Variants in ITPKA observed in about 807,000 individuals in gnomAD.
ITPKA encodes the protein inositol-trisphosphate 3-kinase A, also known as IP3 3-kinase A.
Under a neutral mutation model 40.7 loss-of-function variants are expected in ITPKA, and 16 were observed. The observed-to-expected ratio is 0.39, with a 90% CI of 0.27 to 0.60. The LOEUF (loss-of-function observed/expected upper bound fraction) is 0.60. Among genes scored for constraint, ITPKA ranks in the 20% least tolerant of loss-of-function variants. The pLI, the probability that ITPKA is intolerant of heterozygous loss-of-function variation, is 0.50. For missense variants in ITPKA, 540 were observed against 649.3 expected, an observed-to-expected ratio of 0.83 and a Z score of 1.83; for synonymous variants, 313 against 289.9, an observed-to-expected ratio of 1.08 and a Z score of -0.81.
Position 41,503,546 on chromosome 15 carries a change from A to G in ITPKA, c.*380A>G, listed in dbSNP as rs539964285. Reference sequence around the variant, plus strand: ...CTCCCCTTCCTAATAAAACTCAAAGACAAGATGCAGCTTCCTGTGCCTCAG... The same window carrying G: ...CTCCCCTTCCTAATAAAACTCAAAGGCAAGATGCAGCTTCCTGTGCCTCAG... On this transcript the variant is annotated 3_prime_UTR_variant, in exon 7 of 7. Transcript: ENST00000260386. 362 of 573,156 alleles carry G rather than the reference A, an allele frequency of 6.3e-4. 2 individuals carry two copies. In the Admixed American group the frequency reaches 6.8e-3, roughly 11 times the overall value. 35.5% of individuals were successfully genotyped at this position (573,156 alleles called of 1,614,324 possible).
chr15:41,496,640 T>G (rs192272379), intron 1 of ITPKA, among the ~76,000 whole-genome samples: 4 of 152,306 alleles, frequency 2.6e-5, no homozygotes, highest in Non-Finnish European at 5.9e-5. Context: ...TCATCTGGTT[T>G]TCTTCTTTCT....
chr15:41,502,237 C>G, intron 4 of ITPKA, 36 bp downstream of exon 4: 1 of 1,539,624 alleles, frequency 6.5e-7, no homozygotes, highest in Admixed American at 1.9e-5. Context: ...CCGCCGCAGC[C>G]CCACTGCGCG....
chr15:41,499,855 G>A (rs904450493), intron 1 of ITPKA, among the ~76,000 whole-genome samples: 1 of 151,784 alleles, frequency 6.6e-6, no homozygotes, highest in Middle Eastern at 3.2e-3. Context: ...AAGAGATAAG[G>A]GGCACACCAA....
intron 6 of ITPKA, 22 bp downstream of exon 6, chr15:41,502,881 G>GCA: frequency 6.2e-7 from 1 of 1,609,822 alleles, no homozygotes. Flanking sequence ...CTGCCCGGGT[G>GCA]CCCGGGCCGC....
In ITPKA at chr15:41,501,682, T is replaced by G. The variant is rs765913011; in HGVS notation, c.634T>G (p.Ser212Ala). ...GTSGLILKRC[S>A]EPERYCLARL... ...CAGCGGGCTGATCCTGAAGCGCTGC[T>G]CGGAGCCGGAGCGCTACTGCCTGGC... The change falls in exon 3 of 7, where the codon TCG becomes GCG. Residue 212 changes from serine to alanine, a missense_variant. Coordinates refer to ENST00000260386, the MANE Select transcript of ITPKA (RefSeq NM_002220.3). 1 of 1,609,718 alleles carries G rather than the reference T, an allele frequency of 6.2e-7. No individual in the cohort carries two copies. The highest frequency in any genetic ancestry group is 1.3e-5 in the African/African-American group (1 of 74,810).
Position 41,501,552 on chromosome 15 carries a change from G to A in ITPKA, c.579G>A (p.Gly193=), listed in dbSNP as rs767799074. The A allele has an allele frequency of 6.3e-5, 97 of 1,533,830 alleles. No individual in the cohort carries two copies. In the South Asian group the frequency reaches 1.1e-3, roughly 17 times the overall value. The change falls in exon 2 of 7, where the codon GGG becomes GGA. Residue 193 remains glycine (G), a synonymous_variant. Transcript: ENST00000260386. The part of the protein sequence containing the change: ...KKRYAWVQLA[G]HTGSFKAAGT... ...GCTACGCCTGGGTGCAGCTGGCAGG[G>A]CACACTGGTGAGCAGTGGGGCGGGT...
At chr15:41,498,562 G>A (rs2051089498) in intron 1 of ITPKA, among the ~76,000 whole-genome samples, 1 of 152,156 alleles carries the variant, frequency 6.6e-6, no homozygotes. Context: ...TAAAAGGATG[G>A]TTCAGTTCCC....
At chr15:41,502,302 C>T (rs569312019) in intron 4 of ITPKA, 100 bp from the exon 5 acceptor site, 5 of 1,390,386 alleles carry the variant, frequency 3.6e-6, no homozygotes, top group East Asian at 4.6e-5. Context: ...CCTCTCCCAC[C>T]GCCTCGCCGT....
rs1264995002 is a variant in ITPKA at position 41,493,958 on chromosome 15, G to C, written c.31G>C (p.Ala11Pro). ...CCTGCCCGGGGGCCCAACGGGCATG[G>C]CGCGGCCGGGGGGCGCGAGGCCCTG... MTLPGGPTGM[A>P]RPGGARPCSP... is the part of the protein sequence containing the mutation. The change falls in exon 1 of 7, where the codon GCG becomes CCG. Residue 11 changes from alanine (A) to proline (P), a missense_variant. By Grantham distance (27) the Ala-to-Pro change is conservative. Transcript: ENST00000260386. 8.6e-6 allele frequency: 9 copies of C among 1,045,398 alleles called. No individual in the cohort carries two copies. The highest frequency in any genetic ancestry group is 1.7e-5 in the African/African-American group (1 of 58,248). 64.8% of individuals were successfully genotyped at this position (1,045,398 alleles called of 1,614,324 possible).
chr15:41,501,385 G>A (rs2051108919), intron 1 of ITPKA, 78 bp from the exon 2 acceptor site: 1 of 1,535,662 alleles, frequency 6.5e-7, no homozygotes, highest in South Asian at 1.2e-5. Flanking sequence ...GGGGCGTGGC[G>A]AGACCCTGTT....
At chr15:41,497,730 C>A (rs554721821) in intron 1 of ITPKA, among the ~76,000 whole-genome samples, 17 of 152,210 alleles carry the variant, frequency 1.1e-4, no homozygotes, top group East Asian at 3.9e-4. Flanking sequence ...GTATGAAAAT[C>A]TTTTGTAGGC....
Position 41,494,520 on chromosome 15 carries a change from G to A in ITPKA, c.489+104G>A. The A allele has an allele frequency of 3.8e-6, 3 of 795,136 alleles. No homozygotes were observed. The highest frequency in any genetic ancestry group is 3.7e-6 in the Non-Finnish European group (2 of 547,596). The allele number at this position is 795,136 out of a possible 1,614,324, so 49.3% of individuals were successfully genotyped here. A position where few individuals can be genotyped will look rare whatever the true frequency, so the allele number is the denominator to read the frequency against. On this transcript the variant is annotated intron_variant, in intron 1 of 6. Coordinates refer to ENST00000260386, the MANE Select transcript of ITPKA (RefSeq NM_002220.3). This position sits in a 1 kb window ranked among gnomAD's most constrained non-coding sequence, Gnocchi z 7.8. ...GCTCCTGTCCATGCTCCCTCCAGCG[G>A]AAGGTCCTGTTCTCGCGGTTTAGGA...
intron 1 of ITPKA, among the ~76,000 whole-genome samples, chr15:41,498,894 T>C (rs1160314954): frequency 1.3e-5 from 2 of 152,108 alleles, no homozygotes; most frequent in African/African-American, 4.8e-5. Context: ...CAGTTGGAAC[T>C]TGGGGAGGGA....
chr15:41,494,448 G>C lies in ITPKA; in HGVS notation c.489+32G>C, dbSNP rs1424814505. On this transcript the variant is annotated intron_variant, in intron 1 of 6. Coordinates refer to ENST00000260386, the MANE Select transcript of ITPKA (RefSeq NM_002220.3). The surrounding 1 kb of genome is among the most constrained non-coding windows in gnomAD (Gnocchi z 7.8). ...GCCGCGGGGGCGGGGCCAGCGCCGG[G>C]CGCGGGGGCTGCACGGGGGACCTGG... 2 of 1,368,434 alleles carry C rather than the reference G, an allele frequency of 1.5e-6. No individual in the cohort carries two copies. Among genetic ancestry groups the C allele is most frequent in the African/African-American group, 3.0e-5 (2 of 65,696 alleles). The allele number at this position is 1,368,434 out of a possible 1,614,324, so 84.8% of individuals were successfully genotyped here. A position where few individuals can be genotyped will look rare whatever the true frequency, so the allele number is the denominator to read the frequency against.
At chr15:41,502,730 C>T in intron 5 of ITPKA, 58 bp from the exon 6 acceptor site, 2 of 1,463,058 alleles carry the variant, frequency 1.4e-6, no homozygotes, top group African/African-American at 1.4e-5. Flanking sequence ...TCATCGTTAG[C>T]AGGGGCTCAT....
chr15:41,499,475 G>A lies in ITPKA; in HGVS notation c.490-1988G>A, dbSNP rs543391814. Among the ~76,000 whole-genome samples the A allele has an allele frequency of 3.3e-5, 5 of 152,338 alleles. No individual in the cohort carries two copies. The East Asian group carries it at 9.6e-4, about 29-fold the overall frequency. On this transcript the variant is annotated intron_variant, in intron 1 of 6. Coordinates refer to ENST00000260386, the MANE Select transcript of ITPKA (RefSeq NM_002220.3). ...CACACAGATGGCAGTACTTGGTTGG[G>A]TTCACTCAGCTGGAAGGTGACACAG...
At chr15:41,501,341 G>A in intron 1 of ITPKA, 122 bp from the exon 2 acceptor site, 1 of 1,483,042 alleles carries the variant, frequency 6.7e-7, no homozygotes, top group Non-Finnish European at 9.0e-7. Flanking sequence ...ATGAATTAAT[G>A]ACTCATCCAG....
chr15:41,502,534 T>C (rs371708040), intron 5 of ITPKA, 31 bp downstream of exon 5: 8 of 1,325,678 alleles, frequency 6.0e-6, no homozygotes, highest in East Asian at 2.3e-5. Flanking sequence ...CCTGAGGTGT[T>C]GGGGAGCCTG....
chr15:41,501,290 C>T (rs1409187459), intron 1 of ITPKA, 173 bp from the exon 2 acceptor site: 2 of 1,438,038 alleles, frequency 1.4e-6, no homozygotes, highest in African/African-American at 2.9e-5. Flanking sequence ...TATCAGCACC[C>T]GCCACACAGG....
Sources: allele counts gnomAD v4.1 joint callset (sites outside exome capture counted in the v4.1 genomes callset), GRCh38; gene constraint gnomAD v4.1.1; non-coding constraint Gnocchi (gnomAD v3.1); transcripts MANE v1.5; gene names NCBI Gene and HGNC (gene_info 2026-07-23, HGNC 2026-07-21).